PAK2: variants seen among roughly 807,000 people sequenced by gnomAD.
The protein encoded by PAK2 is p21 (RAC1) activated kinase 2.
PAK2 carries 21 observed loss-of-function variants against 65.9 expected under a neutral mutation model. The observed-to-expected ratio is 0.32, with a 90% CI of 0.23 to 0.46. The LOEUF is 0.46. PAK2 is among the 20% of genes least tolerant of loss of function. The pLI is 1.00. For synonymous variants in PAK2, 204 were observed against 219.7 expected, an observed-to-expected ratio of 0.93 and a Z score of 0.63; for missense variants, 324 against 642.6, an observed-to-expected ratio of 0.50 and a Z score of 5.36.
At chr3:196,768,995 C>CT (rs1160304975) in intron 1 of PAK2, among the ~76,000 whole-genome samples, 1 of 151,904 alleles carries the variant, frequency 6.6e-6, no homozygotes, top group Non-Finnish European at 1.5e-5. Context: ...GGGTCTTGCT[C>CT]TGTTACCCAG....
chr3:196,818,697 G>A (rs945044189), intron 12 of PAK2, among the ~76,000 whole-genome samples: 20 of 152,078 alleles, frequency 1.3e-4, no homozygotes, highest in Non-Finnish European at 2.4e-4. Flanking sequence ...ATCTTAATGG[G>A]GAAGCTCTCA....
intron 2 of PAK2, among the ~76,000 whole-genome samples, chr3:196,796,159 C>G (rs920253488): frequency 6.6e-6 from 1 of 152,168 alleles, no homozygotes; most frequent in Non-Finnish European, 1.5e-5. Flanking sequence ...AAGCCTCGGA[C>G]TCTGGTACCA....
chr3:196,768,492 A>ATATG (rs1560097128), intron 1 of PAK2, among the ~76,000 whole-genome samples: 3 of 149,252 alleles, frequency 2.0e-5, no homozygotes, highest in African/African-American at 5.0e-5. Context: ...TTTTATTTAT[A>ATATG]TATGTATGTA....
intron 8 of PAK2, among the ~76,000 whole-genome samples, chr3:196,811,964 T>C (rs542881167): frequency 6.6e-6 from 1 of 152,250 alleles, no homozygotes; most frequent in African/African-American, 2.4e-5. Context: ...GTATATGTTA[T>C]ATAATTTTTT....
chr3:196,745,530 T>G (rs1015931707), intron 1 of PAK2, among the ~76,000 whole-genome samples: 2 of 152,282 alleles, frequency 1.3e-5, no homozygotes, highest in South Asian at 2.1e-4. Context: ...ATAAAAATAT[T>G]TGGCCGGGTG....
chr3:196,756,563 C>T (rs548009746), intron 1 of PAK2, among the ~76,000 whole-genome samples: 6 of 152,172 alleles, frequency 3.9e-5, no homozygotes, highest in South Asian at 2.1e-4. Flanking sequence ...TTGGGCTGGG[C>T]GTGGTGGCTC....
intron 4 of PAK2, among the ~76,000 whole-genome samples, chr3:196,804,725 T>C (rs1341520958): frequency 6.6e-6 from 1 of 151,764 alleles, no homozygotes; most frequent in African/African-American, 2.4e-5. Context: ...TCTCTCGGCC[T>C]CCCAAAGTGC....
intron 1 of PAK2, among the ~76,000 whole-genome samples, chr3:196,761,006 G>A (rs182629734): frequency 5.3e-5 from 8 of 152,272 alleles, no homozygotes; most frequent in Non-Finnish European, 1.0e-4. Context: ...GGAGGCTGAG[G>A]CGGATGGAGA....
intron 10 of PAK2, 85 bp downstream of exon 10, chr3:196,812,936 G>A: frequency 1.6e-6 from 1 of 637,856 alleles, no homozygotes; most frequent in South Asian, 1.9e-5. Context: ...GGCCACTTTG[G>A]AATAAACTGT....
chr3:196,780,071 T>G (rs1714658629), intron 1 of PAK2, among the ~76,000 whole-genome samples: 2 of 152,238 alleles, frequency 1.3e-5, no homozygotes, highest in South Asian at 4.1e-4. Context: ...TGCATGCTGC[T>G]TGCATCCTAC....
chr3:196,825,880 T>C (rs1474886117), intron 13 of PAK2, among the ~76,000 whole-genome samples: 1 of 152,162 alleles, frequency 6.6e-6, no homozygotes, highest in Non-Finnish European at 1.5e-5. Context: ...TCTTGCTGTC[T>C]TGTCCAGGCT....
intron 1 of PAK2, among the ~76,000 whole-genome samples, chr3:196,763,357 C>T (rs917568299): frequency 2.6e-5 from 4 of 152,170 alleles, no homozygotes; most frequent in African/African-American, 9.7e-5. Flanking sequence ...GCTGCCTGCC[C>T]ATCAGGAGTC....
In PAK2 at chr3:196,812,730, T is replaced by C. The variant is rs1221842492; in HGVS notation, c.823-9T>C. 8.1e-7 allele frequency: 1 copy of C among 1,234,140 alleles called. No individual in the cohort carries two copies. Among genetic ancestry groups the C allele is most frequent in the South Asian group, 1.2e-5 (1 of 80,900 alleles). 76.4% of individuals were successfully genotyped at this position (1,234,140 alleles called of 1,614,324 possible). A position where few individuals can be genotyped will look rare whatever the true frequency, so the allele number is the denominator to read the frequency against. Reference sequence around the variant, plus strand: ...AACCTGGTTTTTTTCAATCCTGTTTTCATTATAGGTTGCTATCAAACAAAT... The same window carrying C: ...AACCTGGTTTTTTTCAATCCTGTTTCCATTATAGGTTGCTATCAAACAAAT... On this transcript the variant is annotated splice_polypyrimidine_tract_variant and intron_variant, in intron 9 of 14. Coordinates refer to ENST00000327134, the MANE Select transcript of PAK2 (RefSeq NM_002577.4).
In PAK2 at chr3:196,774,019, G is replaced by A. The variant is rs955681392; in HGVS notation, c.-21-8607G>A. ...CTGCACTCCAGCCTGGGGACAGAAC[G>A]AGACTCCGTCTCAAAAAAAAACAAC... On this transcript the variant is annotated intron_variant, in intron 1 of 14. Coordinates refer to ENST00000327134, the MANE Select transcript of PAK2 (RefSeq NM_002577.4). Among the ~76,000 whole-genome samples the A allele has an allele frequency of 4.6e-5, 7 of 152,204 alleles. 1 individual carries two copies. Among genetic ancestry groups the A allele is most frequent in the African/African-American group, 1.7e-4 (7 of 41,506 alleles).
chr3:196,805,880 T>A (rs1368846937), intron 5 of PAK2, among the ~76,000 whole-genome samples: 1 of 150,946 alleles, frequency 6.6e-6, no homozygotes, highest in East Asian at 1.9e-4. Context: ...TTTATTTTTT[T>A]ATATTTTATT....
chr3:196,770,709 G>A (rs911958450), intron 1 of PAK2, among the ~76,000 whole-genome samples: 3 of 139,474 alleles, frequency 2.2e-5, no homozygotes, highest in Non-Finnish European at 3.2e-5. Flanking sequence ...TGTAATCTCC[G>A]CCTCCCGGGT....
intron 2 of PAK2, among the ~76,000 whole-genome samples, chr3:196,794,231 CAATT>C (rs1182670726): frequency 6.6e-6 from 1 of 152,138 alleles, no homozygotes; most frequent in Non-Finnish European, 1.5e-5. Flanking sequence ...TGACTAATGA[CAATT>C]AAGTGGAGGA....
At chr3:196,774,118 C>T (rs1468851685) in intron 1 of PAK2, among the ~76,000 whole-genome samples, 1 of 152,176 alleles carries the variant, frequency 6.6e-6, no homozygotes, top group Non-Finnish European at 1.5e-5. Flanking sequence ...ACAGTACCTG[C>T]CTTTGAATTG....
intron 4 of PAK2, among the ~76,000 whole-genome samples, chr3:196,804,366 A>G (rs1228081164): frequency 6.6e-6 from 1 of 152,182 alleles, no homozygotes; most frequent in African/African-American, 2.4e-5. Flanking sequence ...TGTGTAAATT[A>G]GTAATTTTTT....
Sources: gnomAD v4.1 joint callset for allele counts (sites outside exome capture counted in the v4.1 genomes callset) on GRCh38, gnomAD v4.1.1 for gene constraint, MANE v1.5 for transcripts, NCBI Gene and HGNC (gene_info 2026-07-23, HGNC 2026-07-21) for gene names.